Variants in GRIP1 observed in about 807,000 individuals in gnomAD.
The protein encoded by GRIP1 is glutamate receptor interacting protein 1.
Under a neutral mutation model 129.9 loss-of-function variants are expected in GRIP1, and 45 were observed. The ratio of observed to expected loss-of-function variants is 0.35; its 90% CI spans 0.27 to 0.44. The LOEUF is 0.44. Ranked by LOEUF, GRIP1 falls within the 20% of genes least tolerant of loss-of-function variation. GRIP1 has a pLI of 1.00. For missense variants in GRIP1, 1,196 were observed against 1,396.8 expected (o/e 0.86, Z 2.29); for synonymous variants, 530 against 520.8 (o/e 1.02, Z -0.24).
At chr12:66,476,082 T>C (rs554312686) in intron 7 of GRIP1, among the ~76,000 whole-genome samples, 1 of 152,294 alleles carries the variant, frequency 6.6e-6, no homozygotes, top group Admixed American at 6.5e-5. Context: ...ATCCAGGATC[T>C]GGTTTTTTGA....
intron 1 of GRIP1, among the ~76,000 whole-genome samples, chr12:66,813,379 G>C (rs2039140782): frequency 6.6e-6 from 1 of 152,160 alleles, no homozygotes; most frequent in Non-Finnish European, 1.5e-5. Flanking sequence ...ACCTCCACTA[G>C]GCCCCACCTC....
intron 6 of GRIP1, among the ~76,000 whole-genome samples, chr12:66,516,336 C>G (rs546727941): frequency 6.6e-6 from 1 of 152,112 alleles, no homozygotes; most frequent in Non-Finnish European, 1.5e-5. Context: ...CACAGACACT[C>G]AAGGCATTGA....
In GRIP1 at chr12:66,513,854, T is replaced by C. The variant is rs116360363; in HGVS notation, c.724+1765A>G. Among the ~76,000 whole-genome samples, 461 of 152,260 alleles carry C rather than the reference T, an allele frequency of 3.0e-3. 1 individual carries two copies. The highest frequency in any genetic ancestry group is 0.011 in the African/African-American group (438 of 41,566). On this transcript the variant is annotated intron_variant, in intron 7 of 24. Transcript: ENST00000359742. ...CCCCATTCCCTCCTGACCCTGGCAA[T>C]AGTGAAACTTGGAGGGCTCTTCCCT...
At chr12:66,859,292 C>CA (rs1483302296) in intron 1 of GRIP1, among the ~76,000 whole-genome samples, 1 of 11,706 alleles carries the variant, frequency 8.5e-5, no homozygotes, top group African/African-American at 1.6e-4. Flanking sequence ...AACAAAAAAA[C>CA]AAAAAAACAA....
At chr12:67,051,423 T>G (rs1168706683) in intron 1 of GRIP1, among the ~76,000 whole-genome samples, 1 of 152,188 alleles carries the variant, frequency 6.6e-6, no homozygotes, top group Non-Finnish European at 1.5e-5. Flanking sequence ...TTTTTTTCAG[T>G]AATGTGTAGC....
chr12:66,930,568 C>T (rs2041377887), intron 1 of GRIP1, among the ~76,000 whole-genome samples: 2 of 152,128 alleles, frequency 1.3e-5, no homozygotes, highest in South Asian at 2.1e-4. Context: ...AATAAACATA[C>T]TTGTGCATGT....
intron 1 of GRIP1, among the ~76,000 whole-genome samples, chr12:66,897,595 A>T (rs1474485368): frequency 6.6e-6 from 1 of 152,216 alleles, no homozygotes; most frequent in African/African-American, 2.4e-5. Context: ...ATGGTGGCGG[A>T]TGAGCTAAAC....
intron 8 of GRIP1, among the ~76,000 whole-genome samples, chr12:66,464,269 G>A (rs2059219600): frequency 6.6e-6 from 1 of 152,150 alleles, no homozygotes; most frequent in African/African-American, 2.4e-5. Context: ...CTTACCAGGA[G>A]CTGTAAAATA....
Position 66,465,355 on chromosome 12 carries a change from C to A in GRIP1, c.792G>T (p.Gly264=), listed in dbSNP as rs2059258127. 6.2e-7 allele frequency: 1 copy of A among 1,613,824 alleles called. No homozygotes were observed. The highest frequency in any genetic ancestry group is 8.5e-7 in the Non-Finnish European group (1 of 1,179,762). The change falls in exon 8 of 25, where the codon GGG becomes GGT. Residue 264 remains glycine (G), a synonymous_variant. Transcript: ENST00000359742. ...AGCACATCGAGGTAGTTAGGGCAAC[C>A]CCAAGGCTGGCACCAGGAGTTTTGG... ...EVAKTPGASL[G]VALTTSMCCN... is the part of the protein sequence containing the mutation.
intron 1 of GRIP1, among the ~76,000 whole-genome samples, chr12:66,713,769 T>C (rs1287500438): frequency 6.6e-6 from 1 of 152,084 alleles, no homozygotes; most frequent in East Asian, 1.9e-4. Context: ...CATGTTGTTA[T>C]ACATCTGCTT....
chr12:66,890,990 A>G (rs2040649159), intron 1 of GRIP1, among the ~76,000 whole-genome samples: 1 of 152,232 alleles, frequency 6.6e-6, no homozygotes, highest in Non-Finnish European at 1.5e-5. Context: ...GGAAAGTAGT[A>G]AAGTGTTGCT....
rs570865260 is a variant in GRIP1, at chr12:66,709,530, AC to A, written c.-419-79195del. On this transcript the variant is annotated intron_variant, in intron 1 of 4. Transcript: ENST00000538373. ...TTAGTGTGAATATTTTTTCTGTTTC[AC>A]TGCATTCATGTTAACAGTTTGATGA... Among the ~76,000 whole-genome samples the A allele has an allele frequency of 6.8e-4, 104 of 151,944 alleles. 1 individual carries two copies. Among genetic ancestry groups the A allele is most frequent in the African/African-American group, 2.2e-3 (93 of 41,490 alleles).
intron 1 of GRIP1, among the ~76,000 whole-genome samples, chr12:66,825,444 T>C (rs1458697484): frequency 6.7e-6 from 1 of 149,232 alleles, no homozygotes; most frequent in Non-Finnish European, 1.5e-5. Flanking sequence ...TAGTTTGATA[T>C]AGATATGCCT....
At chr12:66,814,282 G>C (rs1174581156) in intron 1 of GRIP1, among the ~76,000 whole-genome samples, 1 of 152,082 alleles carries the variant, frequency 6.6e-6, no homozygotes, top group Non-Finnish European at 1.5e-5. Flanking sequence ...ATTGCTGTGA[G>C]TATTAAATGA....
rs537044967 is a variant in GRIP1, at chr12:66,463,480, T to C, written c.873-387A>G. ...TTTTCTATCTATAAACATGAGTGGG[T>C]AAATCTTCAGAATCTCAAACATGAC... is the stretch of plus-strand genomic sequence containing the variant. On this transcript the variant is annotated intron_variant, in intron 8 of 24. Coordinates refer to ENST00000359742, the MANE Select transcript of GRIP1 (RefSeq NM_001366722.1). Among the ~76,000 whole-genome samples, 10 of 152,286 alleles carry C rather than the reference T, an allele frequency of 6.6e-5. No individual in the cohort carries two copies. In the South Asian group the frequency reaches 1.9e-3, roughly 28 times the overall value.
chr12:66,871,608 T>A (rs1173350536), intron 1 of GRIP1, among the ~76,000 whole-genome samples: 3 of 152,096 alleles, frequency 2.0e-5, no homozygotes, highest in Non-Finnish European at 4.4e-5. Context: ...ATCTTCTTCA[T>A]CTTCATCATT....
At chr12:66,451,724 A>G (rs572278229) in intron 11 of GRIP1, among the ~76,000 whole-genome samples, 3 of 152,040 alleles carry the variant, frequency 2.0e-5, no homozygotes, top group Non-Finnish European at 4.4e-5. Flanking sequence ...CTGTCTCACT[A>G]AAGTGTCCCA....
intron 1 of GRIP1, among the ~76,000 whole-genome samples, chr12:66,833,851 TGCTA>T (rs758313978): frequency 6.6e-6 from 1 of 152,030 alleles, no homozygotes; most frequent in Admixed American, 6.6e-5. Flanking sequence ...CTTACAAATG[TGCTA>T]GCTATTAAAA....
rs189728627 is a variant in GRIP1, at chr12:67,019,582, C to T, written c.58+49468G>A. On this transcript the variant is annotated intron_variant, in intron 1 of 1. Transcript: ENST00000643019. ...TTCTAAGCTTTACATGAATCATCTA[C>T]GGAAAATCTTCCCAGCCAGAGAGAT... Among the ~76,000 whole-genome samples, 215 of 152,258 alleles carry T rather than the reference C, an allele frequency of 1.4e-3. 1 individual carries two copies. The highest frequency in any genetic ancestry group is 4.7e-3 in the African/African-American group (195 of 41,560).
Sources: allele counts gnomAD v4.1 joint callset (sites outside exome capture counted in the v4.1 genomes callset), GRCh38; gene constraint gnomAD v4.1.1; transcripts MANE v1.5; gene names NCBI Gene and HGNC (gene_info 2026-07-23, HGNC 2026-07-21).